Variants in RIGI observed in about 807,000 individuals in gnomAD.
RIGI encodes RNA sensor RIG-I, also known as antiviral innate immune response receptor RIG-I.
the RIGI span, among the ~76,000 whole-genome samples, chr9:32,486,134 C>T: frequency 1.3e-5 from 2 of 152,066 alleles, no homozygotes; most frequent in Admixed American, 6.6e-5. Flanking sequence ...GCTAACTAAC[C>T]GTAGCAGTTC....
At chr9:32,475,823 C>A in the RIGI span, among the ~76,000 whole-genome samples, 11 of 152,076 alleles carry the variant, frequency 7.2e-5, no homozygotes, top group Non-Finnish European at 2.9e-5. Context: ...ATATACTGAA[C>A]TTTGTCAAAA....
chr9:32,459,485 G>A, the RIGI span: 3 of 1,611,948 alleles, frequency 1.9e-6, no homozygotes, highest in Admixed American at 1.7e-5. Context: ...TATCTCTGAT[G>A]AATTTTTCAT....
chr9:32,477,108 C>T, the RIGI span: 2 of 1,613,924 alleles, frequency 1.2e-6, no homozygotes, highest in Non-Finnish European at 1.7e-6. Flanking sequence ...TCCCTGGAAA[C>T]ACTTTCTAGT....
the RIGI span, among the ~76,000 whole-genome samples, chr9:32,495,321 C>T: frequency 6.6e-6 from 1 of 152,038 alleles, no homozygotes; most frequent in East Asian, 1.9e-4. Context: ...CCTGCCTCAG[C>T]CTCCTGAGTA....
At chr9:32,514,149 T>A in the RIGI span, among the ~76,000 whole-genome samples, 2 of 152,266 alleles carry the variant, frequency 1.3e-5, no homozygotes, top group African/African-American at 4.8e-5. Flanking sequence ...AGTTCAACCA[T>A]TGTGGAAGAC....
the RIGI span, chr9:32,485,290 CAAAAAA>C: frequency 7.6e-7 from 1 of 1,312,386 alleles, no homozygotes; most frequent in Non-Finnish European, 1.0e-6. Context: ...CTAGAGACGT[CAAAAAA>C]AAAAGAAAAA....
the RIGI span, among the ~76,000 whole-genome samples, chr9:32,506,709 C>T: frequency 2.0e-5 from 3 of 152,092 alleles, no homozygotes; most frequent in Non-Finnish European, 2.9e-5. Context: ...TTTTATTTTA[C>T]GTATCTATTG....
the RIGI span, among the ~76,000 whole-genome samples, chr9:32,491,640 A>C: frequency 5.3e-5 from 8 of 151,722 alleles, 1 homozygote; most frequent in African/African-American, 1.9e-4. Flanking sequence ...TATATTACTC[A>C]AAGTGTGGAA....
the RIGI span, among the ~76,000 whole-genome samples, chr9:32,518,988 G>A: frequency 6.6e-6 from 1 of 152,160 alleles, no homozygotes; most frequent in African/African-American, 2.4e-5. Context: ...GAGATTACAG[G>A]CCTGAGCCAC....
the RIGI span, chr9:32,466,484 G>A: frequency 6.6e-7 from 1 of 1,525,990 alleles, no homozygotes; most frequent in South Asian, 1.2e-5. Context: ...TTGACTTAAA[G>A]CTCTGATATA....
the RIGI span, among the ~76,000 whole-genome samples, chr9:32,520,577 A>G: frequency 6.6e-6 from 1 of 152,156 alleles, no homozygotes; most frequent in South Asian, 2.1e-4. Flanking sequence ...AGAAATTAAA[A>G]CCATTCAATC....
the RIGI span, among the ~76,000 whole-genome samples, chr9:32,505,060 C>T: frequency 0.37 from 51,712 of 138,296 alleles, 10,983 homozygotes; most frequent in South Asian, 0.52. Context: ...TAATTTTATA[C>T]ATTATATATT....
chr9:32,482,970 C>T, the RIGI span, among the ~76,000 whole-genome samples: 1 of 152,206 alleles, frequency 6.6e-6, no homozygotes, highest in African/African-American at 2.4e-5. Flanking sequence ...AGCATAGAAT[C>T]GGCCCTCAAA....
At chr9:32,508,239 A>ATTTTTTTTTTTTATTTTTT in the RIGI span, among the ~76,000 whole-genome samples, 1 of 70,336 alleles carries the variant, frequency 1.4e-5, no homozygotes, top group Non-Finnish European at 2.6e-5. Context: ...TATTTACTTA[A>ATTTTTTTTTTTTATTTTTT]TTTTTTTTTT....
At chr9:32,468,402 A>G in the RIGI span, among the ~76,000 whole-genome samples, 3 of 152,196 alleles carry the variant, frequency 2.0e-5, no homozygotes, top group African/African-American at 7.2e-5. Flanking sequence ...ATGGTGGTTC[A>G]CGCCTATAGT....
chr9:32,507,742 C>G, the RIGI span, among the ~76,000 whole-genome samples: 4 of 151,854 alleles, frequency 2.6e-5, no homozygotes, highest in South Asian at 6.2e-4. Flanking sequence ...ATTTTCGGGG[C>G]TCAAGCAATC....
chr9:32,494,467 G>A, the RIGI span, among the ~76,000 whole-genome samples: 2 of 151,962 alleles, frequency 1.3e-5, no homozygotes, highest in African/African-American at 4.8e-5. Flanking sequence ...TATTTAGAAA[G>A]TTCAGAGAAA....
the RIGI span, among the ~76,000 whole-genome samples, chr9:32,472,091 C>T: frequency 6.6e-6 from 1 of 152,118 alleles, no homozygotes; most frequent in Non-Finnish European, 1.5e-5. Flanking sequence ...ATAACACAGG[C>T]AGCCTTTTAT....
the RIGI span, chr9:32,488,234 A>G: frequency 3.1e-6 from 5 of 1,605,620 alleles, no homozygotes; most frequent in African/African-American, 4.0e-5. Context: ...CATATTACTA[A>G]CCACGATGTG....
Sources: gnomAD v4.1 joint callset for allele counts (sites outside exome capture counted in the v4.1 genomes callset) on GRCh38, gnomAD v4.1.1 for gene constraint, MANE v1.5 for transcripts, NCBI Gene and HGNC (gene_info 2026-07-23, HGNC 2026-07-21) for gene names.